SAXO1: variants seen among roughly 807,000 people sequenced by gnomAD.
The protein encoded by SAXO1 is stabilizer of axonemal microtubules 1, also known as 4930500O09Rik.
Under a neutral mutation model 17.5 loss-of-function variants are expected in SAXO1, and 21 were observed. The ratio of observed to expected loss-of-function variants is 1.20; its 90% CI spans 0.85 to 1.72. SAXO1 has a LOEUF of 1.72. Ranked by LOEUF, SAXO1 falls within the 40% of genes most tolerant of loss-of-function variation. SAXO1 has a pLI of 0.00. For synonymous variants in SAXO1, 274 were observed against 216.5 expected (o/e 1.27, Z -2.33); for missense variants, 843 against 596.0 (o/e 1.41, Z -4.32).
At chr9:19,020,524 T>G (rs993354013) in intron 1 of SAXO1, among the ~76,000 whole-genome samples, 1 of 152,022 alleles carries the variant, frequency 6.6e-6, no homozygotes, top group African/African-American at 2.4e-5. Flanking sequence ...GCTAATTTTT[T>G]GTTGTTGTAT....
At chr9:19,045,877 T>G (rs1468820401) in intron 1 of SAXO1, among the ~76,000 whole-genome samples, 2 of 152,036 alleles carry the variant, frequency 1.3e-5, no homozygotes, top group African/African-American at 4.8e-5. Context: ...GAACTTCTTT[T>G]ACTGCCGGGC....
chr9:18,960,267 G>T (rs1457169969), intron 1 of SAXO1, among the ~76,000 whole-genome samples: 1 of 152,164 alleles, frequency 6.6e-6, no homozygotes, highest in African/African-American at 2.4e-5. Context: ...ACCTCAGAGG[G>T]AGACACAGAA....
intron 1 of SAXO1, among the ~76,000 whole-genome samples, chr9:19,042,547 G>C (rs1333978218): frequency 1.3e-5 from 2 of 152,240 alleles, no homozygotes; most frequent in African/African-American, 2.4e-5. Flanking sequence ...CAATCTAAGT[G>C]TCTATTAACA....
At chr9:19,033,229 G>A (rs753547090), upstream of SAXO1, 1 of 314,876 alleles carries the variant, frequency 3.2e-6, no homozygotes, top group Non-Finnish European at 5.8e-6. Context: ...GAAGCTGCGG[G>A]GTCCGTGCCC....
intron 3 of SAXO1, 88 bp downstream of exon 3, chr9:18,941,545 CACTA>C (rs1563931538): frequency 4.9e-6 from 7 of 1,440,418 alleles, no homozygotes; most frequent in African/African-American, 4.2e-5. Flanking sequence ...CCAACTCTTG[CACTA>C]ACTGAGTATG....
intron 1 of SAXO1, among the ~76,000 whole-genome samples, chr9:19,039,366 G>T (rs951473530): frequency 3.3e-5 from 5 of 152,168 alleles, no homozygotes; most frequent in Non-Finnish European, 7.4e-5. Context: ...AGCTCTCAAA[G>T]TTTGAGGTTA....
intron 1 of SAXO1, among the ~76,000 whole-genome samples, chr9:18,995,991 A>G (rs1833985188): frequency 6.6e-6 from 1 of 151,718 alleles, no homozygotes; most frequent in Non-Finnish European, 1.5e-5. Context: ...GGGCAGGAGA[A>G]TCGCTTGAAT....
At chr9:19,025,956 C>T (rs1460204101) in intron 1 of SAXO1, among the ~76,000 whole-genome samples, 1 of 151,782 alleles carries the variant, frequency 6.6e-6, no homozygotes. Flanking sequence ...TCAAAAATGG[C>T]CCATTGTGGG....
At chr9:19,011,944 C>T (rs539645671) in intron 1 of SAXO1, among the ~76,000 whole-genome samples, 204 of 149,698 alleles carry the variant, frequency 1.4e-3, no homozygotes, top group African/African-American at 4.8e-3. Flanking sequence ...CTCCCAGGTT[C>T]AAGCAATTCT....
At chr9:18,970,496 G>C (rs1832908192) in intron 1 of SAXO1, among the ~76,000 whole-genome samples, 1 of 152,166 alleles carries the variant, frequency 6.6e-6, no homozygotes, top group Non-Finnish European at 1.5e-5. Flanking sequence ...CTAGCTTCAA[G>C]TTCAGGCAAA....
chr9:18,928,263 T>C lies in SAXO1; in HGVS notation c.1214A>G (p.Gln405Arg), dbSNP rs1830856637. 1.2e-6 allele frequency: 2 copies of C among 1,613,110 alleles called. No homozygotes were observed. The highest frequency in any genetic ancestry group is 2.2e-5 in the East Asian group (1 of 44,820). Residue 405 changes from glutamine to arginine, a missense_variant, in exon 4 of 4, where the codon CAG becomes CGG. Transcript: ENST00000380534. Reference sequence around the variant, plus strand: ...AGTAAAGCTGATGGTGTAGGTGGTCTGGCTTTCCACAGGGACATTTCCTCG... The same window carrying C: ...AGTAAAGCTGATGGTGTAGGTGGTCCGGCTTTCCACAGGGACATTTCCTCG... ...GPRGNVPVES[Q>R]TTYTISFTPK...
chr9:19,006,607 G>C (rs1419279852), intron 1 of SAXO1, among the ~76,000 whole-genome samples: 1 of 152,220 alleles, frequency 6.6e-6, no homozygotes, highest in Admixed American at 6.5e-5. Context: ...ACCAGGGCAG[G>C]ATGGGAGGGA....
chr9:18,952,511 T>C (rs1887444), intron 1 of SAXO1, among the ~76,000 whole-genome samples: 82,591 of 152,038 alleles, frequency 0.54, 24,845 homozygotes, highest in Non-Finnish European at 0.67. Flanking sequence ...CCATCTACTC[T>C]CCAGAGAAAA....
chr9:18,930,647 GTGCCA>G lies in SAXO1; in HGVS notation c.422-1597_422-1593del, dbSNP rs535539083. Among the ~76,000 whole-genome samples, 220 of 152,298 alleles carry G rather than the reference GTGCCA, an allele frequency of 1.4e-3. 1 individual carries two copies. The highest frequency in any genetic ancestry group is 2.1e-3 in the Non-Finnish European group (143 of 68,020). On this transcript the variant is annotated intron_variant, in intron 3 of 3. Coordinates refer to ENST00000380534, the MANE Select transcript of SAXO1 (RefSeq NM_153707.4). ...CCCTAGTAGCTGGGATTACAGGCAT[GTGCCA>G]CCGCACCCGGCTAATTTTGTATTTT...
intron 1 of SAXO1, among the ~76,000 whole-genome samples, chr9:19,001,789 A>G (rs995537154): frequency 3.3e-5 from 5 of 152,228 alleles, no homozygotes; most frequent in South Asian, 2.1e-4. Flanking sequence ...CATAAGAGAA[A>G]GCATGAAAGA....
At position 18,928,555 on chromosome 9, in the gene SAXO1, G is replaced by T. The variant is rs376069469; in HGVS notation, c.922C>A (p.Gln308Lys). The T allele has an allele frequency of 1.9e-6, 3 of 1,614,034 alleles. No individual in the cohort carries two copies. The African/African-American group carries it at 4.0e-5, about 22-fold the overall frequency. Residue 308 changes from glutamine to lysine, a missense_variant, in exon 4 of 4, where the codon CAG (glutamine) becomes AAG (lysine). Physicochemically the swap from Gln to Lys is moderately conservative, Grantham distance 53. Coordinates refer to ENST00000380534, the MANE Select transcript of SAXO1 (RefSeq NM_153707.4). ...EDRMDLLTTV[Q>K]AHYTCPKGAP... ...CCCTTAGGGCATGTGTAATGGGCCT[G>T]CACTGTTGTCAGAAGATCCATCCTG...
chr9:18,960,739 C>T (rs576168178), intron 1 of SAXO1, among the ~76,000 whole-genome samples: 88 of 152,124 alleles, frequency 5.8e-4, no homozygotes, highest in African/African-American at 1.8e-3. Context: ...TGTGTTCGGC[C>T]CCCTGCACTC....
intron 1 of SAXO1, among the ~76,000 whole-genome samples, chr9:19,048,339 C>T (rs971142551): frequency 6.6e-6 from 1 of 152,160 alleles, no homozygotes; most frequent in Non-Finnish European, 1.5e-5. Flanking sequence ...TGCCCACAAT[C>T]CCAGCTATTT....
chr9:19,015,643 C>A (rs997822477), intron 1 of SAXO1, among the ~76,000 whole-genome samples: 3 of 142,266 alleles, frequency 2.1e-5, no homozygotes, highest in Non-Finnish European at 4.6e-5. Flanking sequence ...ACGCCTGGCC[C>A]TTTTTTTTTT....
Sources: allele counts gnomAD v4.1 joint callset (sites outside exome capture counted in the v4.1 genomes callset), GRCh38; gene constraint gnomAD v4.1.1; transcripts MANE v1.5; gene names NCBI Gene and HGNC (gene_info 2026-07-23, HGNC 2026-07-21).